The following CACHD1 variants were observed in gnomAD, a reference collection of about 807,000 sequenced individuals.
CACHD1 encodes VWFA and cache domain-containing protein 1.
CACHD1 carries 71 observed loss-of-function variants against 138.7 expected under a neutral mutation model. The observed-to-expected ratio is 0.51, with a 90% CI of 0.42 to 0.62. The LOEUF is 0.62. CACHD1 is among the 20% of genes least tolerant of loss of function. The pLI is 0.00. For synonymous variants in CACHD1, 578 were observed against 591.5 expected (o/e 0.98, Z 0.33); for missense variants, 1,389 against 1,625.3 (o/e 0.85, Z 2.50).
At chr1:64,672,567 A>G (rs1460416069) in intron 17 of CACHD1, among the ~76,000 whole-genome samples, 1 of 152,194 alleles carries the variant, frequency 6.6e-6, no homozygotes, top group African/African-American at 2.4e-5. Context: ...AAATTAAACT[A>G]TCACAGGTAG....
At chr1:64,487,157 C>T (rs1170654872) in intron 1 of CACHD1, among the ~76,000 whole-genome samples, 1 of 152,166 alleles carries the variant, frequency 6.6e-6, no homozygotes, top group Admixed American at 6.5e-5. Flanking sequence ...TGGGAAGCCA[C>T]TGGAGGGTTT....
At chr1:64,685,463 G>A (rs1650337185) in intron 26 of CACHD1, among the ~76,000 whole-genome samples, 1 of 152,168 alleles carries the variant, frequency 6.6e-6, no homozygotes, top group African/African-American at 2.4e-5. Flanking sequence ...GGCTACAGAT[G>A]GGAGTTGTTA....
At chr1:64,552,664 A>G (rs1646768345) in intron 2 of CACHD1, among the ~76,000 whole-genome samples, 1 of 151,962 alleles carries the variant, frequency 6.6e-6, no homozygotes, top group African/African-American at 2.4e-5. Context: ...TTTTTAGTAA[A>G]GATGAGGTCT....
chr1:64,474,531 T>C (rs961836659), intron 1 of CACHD1, among the ~76,000 whole-genome samples: 1 of 152,188 alleles, frequency 6.6e-6, no homozygotes, highest in African/African-American at 2.4e-5. Context: ...TATTGATGGA[T>C]GTGGTTGTTC....
intron 12 of CACHD1, among the ~76,000 whole-genome samples, chr1:64,657,601 A>G (rs1649308646): frequency 7.2e-5 from 11 of 152,212 alleles, no homozygotes; most frequent in Admixed American, 7.2e-4. Flanking sequence ...AATCTAATTG[A>G]ATATCTTTGC....
intron 10 of CACHD1, 37 bp downstream of exon 10, chr1:64,652,347 T>G (rs1263041978): frequency 3.9e-6 from 6 of 1,551,692 alleles, no homozygotes; most frequent in Non-Finnish European, 5.2e-6. Context: ...AATACTTTTT[T>G]AGAAACCTAA....
intron 1 of CACHD1, among the ~76,000 whole-genome samples, chr1:64,523,986 T>G (rs1646517947): frequency 6.6e-6 from 1 of 151,890 alleles, no homozygotes; most frequent in Non-Finnish European, 1.5e-5. Flanking sequence ...TGTATTCAGG[T>G]GACTAAAGCT....
At chr1:64,623,598 A>G (rs1186129081) in intron 4 of CACHD1, among the ~76,000 whole-genome samples, 1 of 152,142 alleles carries the variant, frequency 6.6e-6, no homozygotes, top group African/African-American at 2.4e-5. Flanking sequence ...CTTGCCCTCG[A>G]GGATCTTAGA....
intron 1 of CACHD1, among the ~76,000 whole-genome samples, chr1:64,542,143 A>G (rs1453590993): frequency 6.6e-6 from 1 of 152,222 alleles, no homozygotes; most frequent in Non-Finnish European, 1.5e-5. Flanking sequence ...GAGATAAATG[A>G]GTTATGTAAA....
chr1:64,646,908 T>C (rs1243146588), intron 8 of CACHD1, among the ~76,000 whole-genome samples: 1 of 152,182 alleles, frequency 6.6e-6, no homozygotes, highest in African/African-American at 2.4e-5. Flanking sequence ...AGTTCATGGT[T>C]TGGTATTGAA....
intron 1 of CACHD1, among the ~76,000 whole-genome samples, chr1:64,535,393 T>A (rs1646624368): frequency 6.6e-6 from 1 of 151,416 alleles, no homozygotes; most frequent in Non-Finnish European, 1.5e-5. Flanking sequence ...TGGCATGATC[T>A]TGGCTCACTG....
At chr1:64,679,037 C>T (rs915505737) in intron 23 of CACHD1, among the ~76,000 whole-genome samples, 2 of 152,164 alleles carry the variant, frequency 1.3e-5, no homozygotes, top group African/African-American at 4.8e-5. Flanking sequence ...GGATTTTGAG[C>T]TTGTATGTTA....
intron 1 of CACHD1, among the ~76,000 whole-genome samples, chr1:64,542,257 T>C (rs1646682821): frequency 6.6e-6 from 1 of 152,214 alleles, no homozygotes; most frequent in African/African-American, 2.4e-5. Context: ...ACCTGGGTCA[T>C]GTGTACCTGG....
chr1:64,646,624 C>T (rs1282446404), intron 8 of CACHD1, among the ~76,000 whole-genome samples: 2 of 151,896 alleles, frequency 1.3e-5, no homozygotes, highest in South Asian at 2.1e-4. Flanking sequence ...CCCAGCTACC[C>T]GGGAGACTGA....
At chr1:64,480,202 T>A (rs1343446130) in intron 1 of CACHD1, among the ~76,000 whole-genome samples, 2 of 152,180 alleles carry the variant, frequency 1.3e-5, no homozygotes, top group Non-Finnish European at 2.9e-5. Context: ...AGAGAGACAG[T>A]CAAATCTGCC....
intron 2 of CACHD1, among the ~76,000 whole-genome samples, chr1:64,552,115 A>G (rs1242622712): frequency 6.6e-6 from 1 of 152,138 alleles, no homozygotes; most frequent in Non-Finnish European, 1.5e-5. Context: ...TAACAGATAC[A>G]AGTTCTTACT....
chr1:64,619,020 A>G (rs138742663), intron 4 of CACHD1, among the ~76,000 whole-genome samples: 1 of 152,154 alleles, frequency 6.6e-6, no homozygotes, highest in African/African-American at 2.4e-5. Flanking sequence ...AGAAGTCGCA[A>G]CCCAACAAAA....
At chr1:64,502,347 C>G (rs1646345115) in intron 1 of CACHD1, among the ~76,000 whole-genome samples, 1 of 152,176 alleles carries the variant, frequency 6.6e-6, no homozygotes, top group Non-Finnish European at 1.5e-5. Context: ...ATATTAAACA[C>G]TGGTTGAGTT....
chr1:64,647,806 G>A lies in CACHD1; in HGVS notation c.1162G>A (p.Val388Met), dbSNP rs1648958536. 1 of 1,614,058 alleles carries A rather than the reference G, an allele frequency of 6.2e-7. No individual in the cohort carries two copies. The highest frequency in any genetic ancestry group is 8.5e-7 in the Non-Finnish European group (1 of 1,179,952). The change falls in exon 9 of 27, where the codon GTG (valine) becomes ATG (methionine). Residue 388 changes from valine to methionine, a missense_variant. By Grantham distance (21) the Val-to-Met change is conservative (BLOSUM62 1). This residue lies in a region of CACHD1 where 1,000 missense variants were observed against 1,114.7 expected (regional missense o/e 0.90). Coordinates refer to ENST00000651257, the MANE Select transcript of CACHD1 (RefSeq NM_020925.4). ...ILTYALMNDGVTGLKELAFLR... is the reference protein window; with the variant it reads ...ILTYALMNDGMTGLKELAFLR... ...CTCTCGGCTTTCCATTTTAGATGGG[G>A]TGACTGGTTTGAAAGAGCTGGCTTT...
Sources: allele counts gnomAD v4.1 joint callset (sites outside exome capture counted in the v4.1 genomes callset), GRCh38; gene constraint gnomAD v4.1.1; regional missense constraint gnomAD v4.1.1; transcripts MANE v1.5; gene names NCBI Gene and HGNC (gene_info 2026-07-23, HGNC 2026-07-21).